ENOSF1: variants seen among roughly 807,000 people sequenced by gnomAD.
ENOSF1 encodes enolase superfamily member 1.
ENOSF1 carries 73 observed loss-of-function variants against 68.2 expected under a neutral mutation model. The observed-to-expected ratio is 1.07, with a 90% CI of 0.89 to 1.30. The LOEUF (loss-of-function observed/expected upper bound fraction) is 1.30. Among genes scored for constraint, ENOSF1 ranks in the 50% most tolerant of loss-of-function variants. ENOSF1 has a pLI of 0.00. For synonymous variants in ENOSF1, 223 were observed against 210.4 expected (o/e 1.06, Z -0.52); for missense variants, 589 against 554.5 (o/e 1.06, Z -0.62).
At chr18:670,001 CA>C (rs1442704199), downstream of ENOSF1, among the ~76,000 whole-genome samples, 1 of 150,192 alleles carries the variant, frequency 6.7e-6, no homozygotes, top group African/African-American at 2.5e-5. Flanking sequence ...ATCAGGATAT[CA>C]TAAGTACTTA....
At chr18:668,847 G>GA (rs1209041345), downstream of ENOSF1, among the ~76,000 whole-genome samples, 2 of 152,180 alleles carry the variant, frequency 1.3e-5, no homozygotes, top group South Asian at 4.2e-4. Flanking sequence ...TGTAGAAGAG[G>GA]AAAAAGACTT....
intron 2 of ENOSF1, among the ~76,000 whole-genome samples, chr18:698,460 A>G (rs1243142832): frequency 5.9e-5 from 9 of 152,240 alleles, no homozygotes; most frequent in Admixed American, 5.9e-4. Context: ...TGCAATTAGC[A>G]TACTATTTAT....
chr18:684,420 C>A (rs750500595), intron 10 of ENOSF1, among the ~76,000 whole-genome samples: 1 of 151,882 alleles, frequency 6.6e-6, no homozygotes, highest in Non-Finnish European at 1.5e-5. Flanking sequence ...CCCAGCTACT[C>A]AGGGGGTTGA....
rs1567996084 is a variant in ENOSF1 at position 671,648 on chromosome 18, A to AAT, written c.*2656_*2657insAT. On this transcript the variant is annotated 3_prime_UTR_variant, in exon 16 of 16. Transcript: ENST00000647584. ...GCCTCAGCAACCATGGGCACTTAAC[A>AAT]TGTCAGGTGCTGTGAGGTACTAAGC... 1 of 602,426 alleles carries AAT rather than the reference A, an allele frequency of 1.7e-6. No individual in the cohort carries two copies. Among genetic ancestry groups the AAT allele is most frequent in the East Asian group, 2.9e-5 (1 of 34,244 alleles). 37.3% of individuals were successfully genotyped at this position (602,426 alleles called of 1,614,324 possible).
rs2075061515 is a variant in ENOSF1, at chr18:671,755, G to A, written c.*2550C>T. 1 of 364,216 alleles carries A rather than the reference G, an allele frequency of 2.7e-6. No individual in the cohort carries two copies. 22.6% of individuals were successfully genotyped at this position (364,216 alleles called of 1,614,324 possible). On this transcript the variant is annotated 3_prime_UTR_variant, in exon 16 of 16. Transcript: ENST00000647584. ...CATTTTAACTCATTTTAACTTGAAGGAGAATTGAAGTGCAAATGTTTTTCC... is the reference window on the plus strand; with the variant it reads ...CATTTTAACTCATTTTAACTTGAAGAAGAATTGAAGTGCAAATGTTTTTCC...
At chr18:704,055 T>C (rs2078658461) in intron 2 of ENOSF1, among the ~76,000 whole-genome samples, 1 of 152,162 alleles carries the variant, frequency 6.6e-6, no homozygotes, top group Admixed American at 6.6e-5. Flanking sequence ...CATCATGCTT[T>C]CTGTAAAACC....
Position 671,565 on chromosome 18 carries a change from G to A in ENOSF1, c.*2740C>T, listed in dbSNP as rs945269577. On this transcript the variant is annotated 3_prime_UTR_variant, in exon 16 of 16. Coordinates refer to ENST00000647584, the MANE Select transcript of ENOSF1 (RefSeq NM_017512.7). ...CAAGATAAAGATGACTGCTCCAAATGTGGGGCTTCAGTTTAGGGAGAAGTG... is the reference window on the plus strand; with the variant it reads ...CAAGATAAAGATGACTGCTCCAAATATGGGGCTTCAGTTTAGGGAGAAGTG... 1 of 770,096 alleles carries A rather than the reference G, an allele frequency of 1.3e-6. No homozygotes were observed. Among genetic ancestry groups the A allele is most frequent in the African/African-American group, 1.7e-5 (1 of 57,468 alleles). 47.7% of individuals were successfully genotyped at this position (770,096 alleles called of 1,614,324 possible).
chr18:700,914 AC>A (rs576098694), intron 2 of ENOSF1, among the ~76,000 whole-genome samples: 152 of 137,630 alleles, frequency 1.1e-3, no homozygotes, highest in Non-Finnish European at 1.9e-3. Flanking sequence ...AAAAAAAAAA[AC>A]AAGAGAAATT....
At chr18:666,832 T>C (rs1322118251), downstream of ENOSF1, among the ~76,000 whole-genome samples, 2 of 152,150 alleles carry the variant, frequency 1.3e-5, no homozygotes, top group African/African-American at 4.8e-5. Context: ...CAGGGAGGAA[T>C]GGGGAGTTCA....
At chr18:696,204 CTTTTTTTT>C (rs368856668) in intron 3 of ENOSF1, among the ~76,000 whole-genome samples, 1 of 118,688 alleles carries the variant, frequency 8.4e-6, no homozygotes, top group Non-Finnish European at 1.6e-5. Context: ...ACATCTCTCT[CTTTTTTTT>C]TTTTTTTTTT....
At position 675,330 on chromosome 18, in the gene ENOSF1, C is replaced by T; in HGVS notation, c.1221G>A (p.Met407Ile). The T allele has an allele frequency of 6.2e-7, 1 of 1,611,396 alleles. No individual in the cohort carries two copies. Among genetic ancestry groups the T allele is most frequent in the South Asian group, 1.1e-5 (1 of 89,974 alleles). ...YPVMIQRASYMPPKDPGYSTE... is the reference protein window; with the variant it reads ...YPVMIQRASYIPPKDPGYSTE... The stretch of plus-strand genomic sequence containing the variant: ...TCAGGCCACAGCTTACCTTGGGAGG[C>T]ATGTAGGAAGCCCGCTGGATCATCA... Residue 407 changes from methionine (M) to isoleucine (I), a missense_variant, in exon 15 of 16, where the codon ATG becomes ATA. Transcript: ENST00000647584.
chr18:673,062 A>G lies in ENOSF1; in HGVS notation c.*1243T>C, dbSNP rs755140715. The G allele has an allele frequency of 4.2e-6, 6 of 1,435,740 alleles. No homozygotes were observed. The highest frequency in any genetic ancestry group is 5.6e-6 in the Non-Finnish European group (6 of 1,077,506). 88.9% of individuals were successfully genotyped at this position (1,435,740 alleles called of 1,614,324 possible). ...AGGGGTTGGGCTGGATGCCGAGGTA[A>G]AAGTTCTTTTTGCTCTAAAAGAAAA... On this transcript the variant is annotated 3_prime_UTR_variant, in exon 16 of 16. Coordinates refer to ENST00000647584, the MANE Select transcript of ENOSF1 (RefSeq NM_017512.7).
rs1000738363 is a variant in ENOSF1 at position 712,335 on chromosome 18, G to A, written c.84+169C>T. On this transcript the variant is annotated intron_variant, in intron 1 of 15. Transcript: ENST00000647584. ...GAGCTGCAGTCGGCGGGGCGGGAGG[G>A]ACCCGGGCCGCAAGCCGCGCGTACC... 25 of 1,535,030 alleles carry A rather than the reference G, an allele frequency of 1.6e-5. 4 individuals carry two copies. In the African/African-American group the frequency reaches 3.2e-4, roughly 19 times the overall value.
chr18:678,606 G>T, intron 12 of ENOSF1, 90 bp downstream of exon 12: 1 of 1,291,040 alleles, frequency 7.7e-7, no homozygotes, highest in Non-Finnish European at 1.1e-6. Context: ...AGCAGGTGAT[G>T]GAGCCTAACA....
chr18:682,089 A>G (rs138439500), intron 11 of ENOSF1, among the ~76,000 whole-genome samples: 400 of 152,332 alleles, frequency 2.6e-3, no homozygotes, highest in Non-Finnish European at 4.8e-3. Flanking sequence ...AAGTCACCTC[A>G]GGAAAAAATG....
downstream of ENOSF1, among the ~76,000 whole-genome samples, chr18:669,730 G>T (rs529247273): frequency 6.9e-4 from 105 of 151,760 alleles, no homozygotes; most frequent in African/African-American, 2.4e-3. Flanking sequence ...CATTTTAAAT[G>T]GAAGCAGATG....
intron 2 of ENOSF1, among the ~76,000 whole-genome samples, chr18:703,466 G>A (rs577676501): frequency 3.3e-5 from 5 of 152,228 alleles, no homozygotes; most frequent in East Asian, 1.9e-4. Flanking sequence ...GAAAGGCAGC[G>A]GCTTCATAAA....
In ENOSF1 at chr18:670,942, AT is replaced by A; in HGVS notation, c.*3362del. 6.6e-7 allele frequency: 1 copy of A among 1,523,798 alleles called. No homozygotes were observed. Among genetic ancestry groups the A allele is most frequent in the Middle Eastern group, 2.0e-4 (1 of 4,886 alleles). 94.4% of individuals were successfully genotyped at this position (1,523,798 alleles called of 1,614,324 possible). A position where few individuals can be genotyped will look rare whatever the true frequency, so the allele number is the denominator to read the frequency against. On this transcript the variant is annotated 3_prime_UTR_variant, in exon 16 of 16. Coordinates refer to ENST00000647584, the MANE Select transcript of ENOSF1 (RefSeq NM_017512.7). ...TCAGTTCTTTAATATGGGAAAACAA[AT>A]TGCAGAGTTTAGTCTCTGATTAGCT...
chr18:683,356 C>T lies in ENOSF1; in HGVS notation c.766G>A (p.Asp256Asn), dbSNP rs2076284484. 6.2e-7 allele frequency: 1 copy of T among 1,614,138 alleles called. No homozygotes were observed. The highest frequency in any genetic ancestry group is 2.2e-5 in the East Asian group (1 of 44,838). Residue 256 changes from aspartate to asparagine, a missense_variant, in exon 11 of 16, where the codon GAT becomes AAT. Physicochemically the swap from Asp to Asn is conservative, Grantham distance 23 (BLOSUM62 1). Coordinates refer to ENST00000647584, the MANE Select transcript of ENOSF1 (RefSeq NM_017512.7). ...TLMMDANQRW[D>N]VPEAVEWMSK... is the part of the protein sequence containing the mutation. ...ATCCACTCCACCGCCTCAGGCACAT[C>T]CCAGCGCTGGTTGGCATCCATCATC... is the stretch of plus-strand genomic sequence containing the variant.
Sources: allele counts gnomAD v4.1 joint callset (sites outside exome capture counted in the v4.1 genomes callset), GRCh38; gene constraint gnomAD v4.1.1; transcripts MANE v1.5; gene names NCBI Gene and HGNC (gene_info 2026-07-23, HGNC 2026-07-21).